The following SDK1 variants were observed in gnomAD, a reference collection of about 807,000 sequenced individuals.
SDK1 encodes the protein sidekick cell adhesion molecule 1.
Under a neutral mutation model 245.5 loss-of-function variants are expected in SDK1, and 157 were observed. The observed-to-expected ratio is 0.64, with a 90% CI of 0.56 to 0.73. The LOEUF (loss-of-function observed/expected upper bound fraction) is 0.73, where lower values mean the gene tolerates loss of function less well. SDK1 is among the 30% of genes least tolerant of loss of function. The pLI is 0.00. For synonymous variants in SDK1, 1,647 were observed against 1,278.5 expected, an observed-to-expected ratio of 1.29 and a Z score of -6.15; for missense variants, 3,583 against 3,002.3, an observed-to-expected ratio of 1.19 and a Z score of -4.52.
intron 5 of SDK1, among the ~76,000 whole-genome samples, chr7:3,917,579 G>A (rs1457548097): frequency 6.6e-6 from 1 of 152,190 alleles, no homozygotes; most frequent in East Asian, 1.9e-4. Context: ...GGAAGTGGGG[G>A]TGTGGGCAGT....
At chr7:3,306,440 T>A (rs1328806675) in intron 1 of SDK1, among the ~76,000 whole-genome samples, 1 of 152,168 alleles carries the variant, frequency 6.6e-6, no homozygotes, top group East Asian at 1.9e-4. Flanking sequence ...TTGAGGAACA[T>A]TTGGAAAATT....
intron 1 of SDK1, among the ~76,000 whole-genome samples, chr7:3,509,699 C>A (rs948236442): frequency 3.3e-5 from 5 of 152,286 alleles, no homozygotes; most frequent in African/African-American, 9.6e-5. Flanking sequence ...TGTTTAATGT[C>A]ACAGGGCAGG....
At chr7:3,373,035 C>T (rs946283620) in intron 1 of SDK1, among the ~76,000 whole-genome samples, 2 of 152,180 alleles carry the variant, frequency 1.3e-5, no homozygotes, top group African/African-American at 4.8e-5. Flanking sequence ...ATTCTATGCT[C>T]AATATTAAGA....
At chr7:3,353,275 A>G (rs554625320) in intron 1 of SDK1, among the ~76,000 whole-genome samples, 13 of 152,282 alleles carry the variant, frequency 8.5e-5, no homozygotes, top group African/African-American at 2.9e-4. Context: ...CTGAATAGCC[A>G]CTTACAAACT....
chr7:3,613,735 T>C (rs183572105), intron 1 of SDK1, among the ~76,000 whole-genome samples: 3 of 152,090 alleles, frequency 2.0e-5, no homozygotes, highest in Non-Finnish European at 2.9e-5. Flanking sequence ...CAAATACCCA[T>C]CAATGATAGA....
intron 13 of SDK1, among the ~76,000 whole-genome samples, chr7:3,983,262 G>A (rs1282812998): frequency 6.6e-6 from 1 of 152,186 alleles, no homozygotes; most frequent in Non-Finnish European, 1.5e-5. Context: ...TGGGTAAAAT[G>A]TTATCAAACA....
chr7:4,107,169 C>T (rs539664047), intron 22 of SDK1, among the ~76,000 whole-genome samples: 1 of 143,168 alleles, frequency 7.0e-6, no homozygotes, highest in South Asian at 2.2e-4. Context: ...GGTGGGGCTG[C>T]AGGGGCCAAC....
At chr7:3,684,818 G>A (rs1286206602) in intron 4 of SDK1, among the ~76,000 whole-genome samples, 2 of 151,976 alleles carry the variant, frequency 1.3e-5, no homozygotes, top group Non-Finnish European at 2.9e-5. Flanking sequence ...GGAAAGCAGA[G>A]AACTGAAAAA....
chr7:3,705,789 T>G (rs917230061), intron 4 of SDK1, among the ~76,000 whole-genome samples: 9 of 152,116 alleles, frequency 5.9e-5, no homozygotes, highest in Admixed American at 2.6e-4. Flanking sequence ...GGACTTCCAG[T>G]ACTGTGTTGA....
intron 20 of SDK1, among the ~76,000 whole-genome samples, chr7:4,070,534 C>T (rs1169596930): frequency 6.6e-6 from 1 of 152,000 alleles, no homozygotes; most frequent in Admixed American, 6.5e-5. Flanking sequence ...AGACTGTGTT[C>T]CTACAGTGAC....
chr7:3,435,007 C>A (rs1322391194), intron 1 of SDK1, among the ~76,000 whole-genome samples: 3 of 152,154 alleles, frequency 2.0e-5, no homozygotes, highest in African/African-American at 7.2e-5. Flanking sequence ...TGTCAAATCT[C>A]CGTCTGGATC....
Position 3,974,666 on chromosome 7 carries a change from G to T in SDK1, c.1994+121G>T, listed in dbSNP as rs771012375. ...TTGTGTCCCAAGTCAGCGGTCAGAG[G>T]CCAGCGCATCATGCTGCATAACTAC... On this transcript the variant is annotated intron_variant, in intron 13 of 44. Transcript: ENST00000404826. 22 of 856,444 alleles carry T rather than the reference G, an allele frequency of 2.6e-5. 1 individual carries two copies. The highest frequency in any genetic ancestry group is 2.3e-4 in the Middle Eastern group (1 of 4,364). The allele number at this position is 856,444 out of a possible 1,614,324, so 53.1% of individuals were successfully genotyped here. A position where few individuals can be genotyped will look rare whatever the true frequency, so the allele number is the denominator to read the frequency against.
intron 17 of SDK1, among the ~76,000 whole-genome samples, chr7:4,039,533 A>G (rs1788461061): frequency 6.6e-6 from 1 of 152,232 alleles, no homozygotes; most frequent in South Asian, 2.1e-4. Flanking sequence ...TTCAAAAAGC[A>G]AAGCTTGCAT....
In SDK1 at chr7:3,403,706, A is replaced by G. The variant is rs76960778; in HGVS notation, c.298+101822A>G. Among the ~76,000 whole-genome samples the G allele has an allele frequency of 2.3e-3, 339 of 150,646 alleles. 3 individuals are homozygous for G. The highest frequency in any genetic ancestry group is 7.7e-3 in the African/African-American group (318 of 41,068). ...TAGTTACTACCTAAGAGAATAGTCT[A>G]TTTCCATGCTGGTTGCTCACTTGTG... is the stretch of plus-strand genomic sequence containing the variant. On this transcript the variant is annotated intron_variant, in intron 1 of 44. Coordinates refer to ENST00000404826, the MANE Select transcript of SDK1 (RefSeq NM_152744.4).
intron 4 of SDK1, among the ~76,000 whole-genome samples, chr7:3,708,977 A>G (rs1002657177): frequency 1.3e-5 from 2 of 152,220 alleles, no homozygotes; most frequent in African/African-American, 2.4e-5. Flanking sequence ...TCCAGCCATC[A>G]TGTTAATTGT....
intron 5 of SDK1, among the ~76,000 whole-genome samples, chr7:3,903,243 A>G (rs536477005): frequency 6.7e-6 from 1 of 150,124 alleles, no homozygotes; most frequent in African/African-American, 2.5e-5. Context: ...TCCCGGGTTC[A>G]CTCCATTCTC....
intron 5 of SDK1, among the ~76,000 whole-genome samples, chr7:3,920,068 G>A (rs1351671808): frequency 6.6e-6 from 1 of 152,192 alleles, no homozygotes; most frequent in East Asian, 1.9e-4. Flanking sequence ...AGCACAGACA[G>A]ACGAAGCCAC....
chr7:3,959,330 AAGT>A (rs1173116859), intron 8 of SDK1, among the ~76,000 whole-genome samples: 1 of 152,046 alleles, frequency 6.6e-6, no homozygotes, highest in Non-Finnish European at 1.5e-5. Context: ...CTGACTTCAC[AAGT>A]GTGTGACCCC....
At chr7:3,469,261 A>C (rs1243481948) in intron 1 of SDK1, among the ~76,000 whole-genome samples, 1 of 152,142 alleles carries the variant, frequency 6.6e-6, no homozygotes, top group African/African-American at 2.4e-5. Flanking sequence ...TTTCTCTACA[A>C]AAAATAAAAC....
Sources: gnomAD v4.1 joint callset for allele counts (sites outside exome capture counted in the v4.1 genomes callset) on GRCh38, gnomAD v4.1.1 for gene constraint, MANE v1.5 for transcripts, NCBI Gene and HGNC (gene_info 2026-07-23, HGNC 2026-07-21) for gene names.